THSD4: variants seen among roughly 807,000 people sequenced by gnomAD.
THSD4 encodes the protein thrombospondin type 1 domain containing 4, also known as thrombospondin type-1 domain-containing protein 4.
In THSD4, 69 loss-of-function variants were observed where a neutral mutation model predicts 119.0. That is an observed-to-expected ratio of 0.58 (90% CI 0.48 to 0.71). The LOEUF is 0.71. THSD4 is among the 30% of genes least tolerant of loss of function. The pLI, the probability that THSD4 is intolerant of heterozygous loss-of-function variation, is 0.00. For missense variants in THSD4, 1,393 were observed against 1,391.1 expected (o/e 1.00, Z -0.02); for synonymous variants, 524 against 540.4 (o/e 0.97, Z 0.42).
In THSD4 at chr15:71,238,780, T is replaced by C. The variant is rs1001146215; in HGVS notation, c.465-3869T>C. Among the ~76,000 whole-genome samples the C allele has an allele frequency of 4.6e-5, 7 of 152,376 alleles. No homozygotes were observed. The South Asian group carries it at 6.2e-4, about 14-fold the overall frequency. On this transcript the variant is annotated intron_variant, in intron 4 of 17. Transcript: ENST00000261862. ...TCATGTATAAGTTTATATACAAATG[T>C]ATGTTTTCATTTCTCTTGGGCATAT...
intron 7 of THSD4, among the ~76,000 whole-genome samples, chr15:71,610,211 G>A (rs2050197352): frequency 6.6e-6 from 1 of 152,202 alleles, no homozygotes; most frequent in Non-Finnish European, 1.5e-5. Context: ...AATATGTGTT[G>A]CAGAGAGGCA....
chr15:71,715,375 C>T (rs945698236), intron 8 of THSD4, among the ~76,000 whole-genome samples: 1 of 152,176 alleles, frequency 6.6e-6, no homozygotes, highest in African/African-American at 2.4e-5. Context: ...TTGAAATTCC[C>T]CTCACAATCC....
chr15:71,541,635 T>G (rs1221203990), intron 7 of THSD4, among the ~76,000 whole-genome samples: 2 of 152,234 alleles, frequency 1.3e-5, no homozygotes, highest in African/African-American at 4.8e-5. Flanking sequence ...AACTCAATTT[T>G]TTGTTGTTGT....
chr15:71,287,070 T>TGAGTAAAC (rs2044727587), intron 6 of THSD4, among the ~76,000 whole-genome samples: 1 of 152,118 alleles, frequency 6.6e-6, no homozygotes, highest in African/African-American at 2.4e-5. Flanking sequence ...AACATTCCTA[T>TGAGTAAAC]GAGTAAACAT....
upstream of THSD4, chr15:71,112,340 A>T: frequency 9.0e-7 from 1 of 1,107,530 alleles, no homozygotes; most frequent in Non-Finnish European, 1.2e-6. Context: ...ATTAATTAAT[A>T]ATTATAATAG....
chr15:71,335,099 T>C (rs1319428531), intron 6 of THSD4, among the ~76,000 whole-genome samples: 1 of 152,164 alleles, frequency 6.6e-6, no homozygotes. Context: ...GTGAAACATG[T>C]TGGATCTGAG....
intron 2 of THSD4, chr15:71,147,752 C>A (rs868308846): frequency 6.6e-6 from 1 of 152,122 alleles, no homozygotes; most frequent in Non-Finnish European, 1.5e-5. Context: ...TCACTTGAGC[C>A]GAGGAGTTCA....
chr15:71,333,685 G>A (rs761482519), intron 6 of THSD4, among the ~76,000 whole-genome samples: 1 of 152,098 alleles, frequency 6.6e-6, no homozygotes, highest in Non-Finnish European at 1.5e-5. Context: ...TGTGACTGTC[G>A]TTAAGGACTT....
chr15:71,574,789 T>C (rs1326755571), intron 7 of THSD4, among the ~76,000 whole-genome samples: 1 of 152,184 alleles, frequency 6.6e-6, no homozygotes, highest in Non-Finnish European at 1.5e-5. Context: ...CAAAGTCACA[T>C]TTCCACAGGA....
At chr15:71,690,528 A>AGT (rs1440454642) in intron 8 of THSD4, among the ~76,000 whole-genome samples, 1 of 152,240 alleles carries the variant, frequency 6.6e-6, no homozygotes, top group African/African-American at 2.4e-5. Flanking sequence ...GGCCCCCCAA[A>AGT]GTTGTCCACA....
At chr15:71,748,732 T>A in intron 14 of THSD4, 138 bp downstream of exon 14, 12 of 985,050 alleles carry the variant, frequency 1.2e-5, no homozygotes, top group East Asian at 2.7e-5. Flanking sequence ...CAGAGAGGAA[T>A]TATCGTAGGC....
intron 6 of THSD4, among the ~76,000 whole-genome samples, chr15:71,320,135 C>T (rs1245241613): frequency 6.6e-6 from 1 of 152,102 alleles, no homozygotes; most frequent in Non-Finnish European, 1.5e-5. Context: ...CTTCTAGTTC[C>T]CGAAGTTGGC....
chr15:71,748,560 C>A lies in THSD4; in HGVS notation c.2381C>A (p.Ala794Asp), dbSNP rs768392988. 1.9e-6 allele frequency: 3 copies of A among 1,614,154 alleles called. No homozygotes were observed. In the South Asian group the frequency reaches 3.3e-5, roughly 18 times the overall value. The change falls in exon 14 of 18, where the codon GCC becomes GAC. Residue 794 changes from alanine to aspartate, a missense_variant. Transcript: ENST00000261862. ...DIENCDMGPC[A>D]KSWFLTEWSE... is the part of the protein sequence containing the mutation. ...GAGAACTGCGACATGGGACCCTGTG[C>A]CAAGAGCTGGTTCCTCACCGAGTGG...
At chr15:71,286,130 T>C (rs2044715015) in intron 6 of THSD4, among the ~76,000 whole-genome samples, 1 of 152,228 alleles carries the variant, frequency 6.6e-6, no homozygotes, top group African/African-American at 2.4e-5. Flanking sequence ...GTTGTTACTA[T>C]TACTGTTATC....
chr15:71,688,177 A>C (rs932458206), intron 8 of THSD4, among the ~76,000 whole-genome samples: 5 of 152,288 alleles, frequency 3.3e-5, no homozygotes, highest in Middle Eastern at 3.4e-3. Flanking sequence ...TTAGCACATG[A>C]TTTTGATTTA....
intron 7 of THSD4, among the ~76,000 whole-genome samples, chr15:71,413,906 T>C (rs1021937461): frequency 6.6e-6 from 1 of 152,264 alleles, no homozygotes. Context: ...TAATGTTCCC[T>C]GCTTCTAAAT....
At chr15:71,703,807 C>T (rs1451530944) in intron 8 of THSD4, among the ~76,000 whole-genome samples, 1 of 152,130 alleles carries the variant, frequency 6.6e-6, no homozygotes, top group Non-Finnish European at 1.5e-5. Flanking sequence ...CAAATTTTAG[C>T]CAATATTTAA....
intron 7 of THSD4, among the ~76,000 whole-genome samples, chr15:71,604,156 T>G (rs1309882708): frequency 6.6e-6 from 1 of 152,072 alleles, no homozygotes; most frequent in Non-Finnish European, 1.5e-5. Context: ...TGGGCCCTAA[T>G]GAGTTTGGGG....
intron 7 of THSD4, among the ~76,000 whole-genome samples, chr15:71,544,852 T>C (rs1488070903): frequency 6.6e-6 from 1 of 152,224 alleles, no homozygotes; most frequent in Non-Finnish European, 1.5e-5. Context: ...TTGATACCTG[T>C]TACAGAGTGG....
Sources: gnomAD v4.1 joint callset for allele counts (sites outside exome capture counted in the v4.1 genomes callset) on GRCh38, gnomAD v4.1.1 for gene constraint, MANE v1.5 for transcripts, NCBI Gene and HGNC (gene_info 2026-07-23, HGNC 2026-07-21) for gene names.